Variants in LPAR6 observed in about 807,000 individuals in gnomAD.
LPAR6 encodes G-protein coupled purinergic receptor P2Y5.
A neutral mutation model predicts 22.0 loss-of-function variants in LPAR6; 17 were observed. The ratio of observed to expected loss-of-function variants is 0.77; its 90% CI spans 0.53 to 1.16. The LOEUF is 1.16. LPAR6 is among the 50% of genes most tolerant of loss of function. The pLI, the probability that LPAR6 is intolerant of heterozygous loss-of-function variation, is 0.00. For synonymous variants in LPAR6, 136 were observed against 139.8 expected, an observed-to-expected ratio of 0.97 and a Z score of 0.19; for missense variants, 384 against 406.9, an observed-to-expected ratio of 0.94 and a Z score of 0.48.
intron 1 of LPAR6, among the ~76,000 whole-genome samples, chr13:48,400,790 A>T (rs1002240897): frequency 2.6e-5 from 4 of 152,150 alleles, no homozygotes; most frequent in African/African-American, 9.6e-5. Context: ...AGTAATTAGA[A>T]ACATAACAAT....
chr13:48,436,063 T>C (rs1949180333), intron 1 of LPAR6, among the ~76,000 whole-genome samples: 1 of 152,202 alleles, frequency 6.6e-6, no homozygotes, highest in Admixed American at 6.5e-5. Context: ...ATGAAAAGAT[T>C]AGGTCCTGGA....
chr13:48,442,565 G>GT (rs990017376), intron 1 of LPAR6, among the ~76,000 whole-genome samples: 3 of 152,052 alleles, frequency 2.0e-5, no homozygotes, highest in Non-Finnish European at 4.4e-5. Context: ...CTTTAACAAG[G>GT]TTTTTTTCCT....
chr13:48,411,816 C>T lies in LPAR6; in HGVS notation c.608G>A (p.Cys203Tyr), dbSNP rs1216747973. 1.2e-6 allele frequency: 2 copies of T among 1,612,816 alleles called. No homozygotes were observed. Among genetic ancestry groups the T allele is most frequent in the Non-Finnish European group, 1.7e-6 (2 of 1,178,898 alleles). Residue 203 changes from cysteine (C) to tyrosine (Y), a missense_variant, in exon 1 of 1, where the codon TGT becomes TAT. Physicochemically the swap from Cys to Tyr is radical, Grantham distance 194. Coordinates refer to ENST00000620633, the MANE Select transcript of LPAR6 (RefSeq NM_001162498.3). ...FFIPLILNVTCSSMVLKTLTK... is the reference protein window; with the variant it reads ...FFIPLILNVTYSSMVLKTLTK... Reference sequence around the variant, plus strand: ...TAAAGTTTTTAGCACCATACTAGAACAAGTTACATTTAAAATTAGAGGAAT... The same window carrying T: ...TAAAGTTTTTAGCACCATACTAGAATAAGTTACATTTAAAATTAGAGGAAT...
At chr13:48,415,512 C>T (rs2138217728), upstream of LPAR6, among the ~76,000 whole-genome samples, 1 of 152,270 alleles carries the variant, frequency 6.6e-6, no homozygotes, top group African/African-American at 2.4e-5. Flanking sequence ...CTCCTGACCT[C>T]AAGTCATCCA....
upstream of LPAR6, among the ~76,000 whole-genome samples, chr13:48,414,789 A>C (rs919891806): frequency 5.3e-5 from 8 of 152,228 alleles, no homozygotes; most frequent in African/African-American, 1.9e-4. Flanking sequence ...TGACAAAAAA[A>C]GATGAGTATT....
intron 1 of LPAR6, among the ~76,000 whole-genome samples, chr13:48,442,345 C>T (rs747120567): frequency 7.9e-5 from 12 of 151,954 alleles, no homozygotes; most frequent in Non-Finnish European, 1.5e-4. Flanking sequence ...GGACTACAGG[C>T]GCATGCAACC....
At chr13:48,433,526 C>A (rs1949151448) in intron 1 of LPAR6, among the ~76,000 whole-genome samples, 1 of 152,094 alleles carries the variant, frequency 6.6e-6, no homozygotes, top group African/African-American at 2.4e-5. Flanking sequence ...GAATTTCTGC[C>A]ACTAAATAAG....
intron 1 of LPAR6, among the ~76,000 whole-genome samples, chr13:48,425,801 TTCTA>T (rs770622660): frequency 3.9e-5 from 6 of 152,242 alleles, no homozygotes; most frequent in Non-Finnish European, 7.3e-5. Flanking sequence ...GCTCTTAGCT[TTCTA>T]TCTAATTCAG....
At chr13:48,435,877 CAAAT>C (rs1248507028) in intron 1 of LPAR6, among the ~76,000 whole-genome samples, 2 of 151,940 alleles carry the variant, frequency 1.3e-5, no homozygotes, top group Admixed American at 6.6e-5. Flanking sequence ...AAAGATGAGA[CAAAT>C]AGATGTAGAA....
upstream of LPAR6, among the ~76,000 whole-genome samples, chr13:48,428,471 G>A (rs1438813130): frequency 6.6e-6 from 1 of 151,994 alleles, no homozygotes; most frequent in African/African-American, 2.4e-5. Flanking sequence ...CCAGCATTGG[G>A]GATCACATTT....
intron 1 of LPAR6, among the ~76,000 whole-genome samples, chr13:48,396,301 AT>A (rs773913651): frequency 1.3e-5 from 2 of 152,204 alleles, no homozygotes; most frequent in Admixed American, 6.5e-5. Context: ...AAAAAGATAA[AT>A]AAACCAACGG....
At chr13:48,410,430 A>G, downstream of LPAR6, among the ~76,000 whole-genome samples, 1 of 152,182 alleles carries the variant, frequency 6.6e-6, no homozygotes, top group Non-Finnish European at 1.5e-5. Context: ...GTAAGTACAC[A>G]CTGTGATGTT....
chr13:48,436,171 C>T (rs1283618520), intron 1 of LPAR6, among the ~76,000 whole-genome samples: 3 of 152,152 alleles, frequency 2.0e-5, no homozygotes, highest in African/African-American at 7.2e-5. Context: ...GAAAGACCAT[C>T]TCATAGCTGG....
At chr13:48,396,842 A>G (rs1948652536) in intron 1 of LPAR6, among the ~76,000 whole-genome samples, 1 of 152,244 alleles carries the variant, frequency 6.6e-6, no homozygotes, top group African/African-American at 2.4e-5. Context: ...AAGGATATGA[A>G]CAGACACTTC....
intron 1 of LPAR6, among the ~76,000 whole-genome samples, chr13:48,397,704 G>T (rs1948659746): frequency 6.6e-6 from 1 of 151,914 alleles, no homozygotes. Context: ...TAAATCGAGG[G>T]TCATTTTATG....
At position 48,396,646 on chromosome 13, in the gene LPAR6, T is replaced by C. The variant is rs1478728505; in HGVS notation, n.115-6834A>G. The stretch of plus-strand genomic sequence containing the variant: ...GGCAACAAAAGCCAAAATTGACGAA[T>C]GGGATCTAATTAAACTAAAGAGCTT... On this transcript the variant is annotated intron_variant and non_coding_transcript_variant, in intron 1 of 1. Coordinates refer to the LPAR6 transcript ENST00000462781. Among the ~76,000 whole-genome samples the C allele has an allele frequency of 2.6e-5, 4 of 152,092 alleles. No homozygotes were observed. The East Asian group carries it at 5.8e-4, about 22-fold the overall frequency.
chr13:48,402,378 C>CTTTTTTTTTT (rs1373839747), intron 1 of LPAR6, among the ~76,000 whole-genome samples: 1 of 14,822 alleles, frequency 6.7e-5, no homozygotes, highest in African/African-American at 9.3e-5. Context: ...TTGTAGAAAA[C>CTTTTTTTTTT]CTTTTTTTTT....
chr13:48,402,489 C>T (rs1175869027), intron 1 of LPAR6, among the ~76,000 whole-genome samples: 2 of 149,872 alleles, frequency 1.3e-5, no homozygotes, highest in African/African-American at 2.4e-5. Flanking sequence ...GTGATCCTCC[C>T]ACCTCAGCCT....
intron 1 of LPAR6, among the ~76,000 whole-genome samples, chr13:48,434,115 T>A (rs1387817604): frequency 1.3e-5 from 2 of 152,130 alleles, no homozygotes; most frequent in Admixed American, 6.6e-5. Context: ...GCTTTGTATT[T>A]TATTATATTA....
Sources: gnomAD v4.1 joint callset for allele counts (sites outside exome capture counted in the v4.1 genomes callset) on GRCh38, gnomAD v4.1.1 for gene constraint, MANE v1.5 for transcripts, NCBI Gene and HGNC (gene_info 2026-07-23, HGNC 2026-07-21) for gene names.